Variants in MYO1D observed in about 807,000 individuals in gnomAD.
MYO1D encodes myosin ID.
In MYO1D, 83 loss-of-function variants were observed where a neutral mutation model predicts 122.0. That is an observed-to-expected ratio of 0.68 (90% CI 0.57 to 0.82). The LOEUF (loss-of-function observed/expected upper bound fraction) is 0.82. Among genes scored for constraint, MYO1D ranks in the 40% least tolerant of loss-of-function variants. The pLI is 0.00. For synonymous variants in MYO1D, 464 were observed against 446.9 expected (o/e 1.04, Z -0.48); for missense variants, 1,157 against 1,269.5 (o/e 0.91, Z 1.35).
At chr17:32,591,935 CT>C (rs1429451130) in intron 21 of MYO1D, among the ~76,000 whole-genome samples, 3 of 152,158 alleles carry the variant, frequency 2.0e-5, no homozygotes, top group African/African-American at 7.2e-5. Context: ...TTAAGGACCC[CT>C]GATAAAGAAA....
chr17:32,528,642 A>G (rs973623795), intron 21 of MYO1D, among the ~76,000 whole-genome samples: 1 of 152,196 alleles, frequency 6.6e-6, no homozygotes, highest in African/African-American at 2.4e-5. Flanking sequence ...ATTATCCTGG[A>G]TTATCCAGGT....
At chr17:32,513,955 T>A (rs1009511229) in intron 21 of MYO1D, among the ~76,000 whole-genome samples, 1 of 151,514 alleles carries the variant, frequency 6.6e-6, no homozygotes, top group African/African-American at 2.4e-5. Context: ...ATTAAAAAAA[T>A]TTTTTTGGCC....
At chr17:32,730,520 T>G (rs1046103654) in intron 14 of MYO1D, among the ~76,000 whole-genome samples, 9 of 150,936 alleles carry the variant, frequency 6.0e-5, no homozygotes, top group African/African-American at 2.2e-4. Context: ...GTTGATAAAC[T>G]CTCTGTTTTT....
chr17:32,551,266 GATC>G (rs1174129640), intron 21 of MYO1D, among the ~76,000 whole-genome samples: 6 of 152,176 alleles, frequency 3.9e-5, no homozygotes, highest in Admixed American at 2.0e-4. Flanking sequence ...TGCATGCTCA[GATC>G]ATACATTTTG....
intron 21 of MYO1D, among the ~76,000 whole-genome samples, chr17:32,503,880 A>G (rs537437648): frequency 6.6e-6 from 1 of 152,282 alleles, no homozygotes; most frequent in South Asian, 2.1e-4. Flanking sequence ...CACACAGGGA[A>G]TCTCTTTCAA....
chr17:32,662,565 C>T (rs1041372969), intron 16 of MYO1D, among the ~76,000 whole-genome samples: 4 of 151,988 alleles, frequency 2.6e-5, no homozygotes, highest in East Asian at 1.9e-4. Context: ...TCCAGCTACT[C>T]GTGAGGCTGA....
chr17:32,634,860 C>A (rs2088076044), intron 20 of MYO1D, among the ~76,000 whole-genome samples: 1 of 152,132 alleles, frequency 6.6e-6, no homozygotes, highest in African/African-American at 2.4e-5. Context: ...CTGGGAAAAC[C>A]CAATGACCCG....
chr17:32,842,886 C>CTTTTTTTT (rs34927176), intron 1 of MYO1D, among the ~76,000 whole-genome samples: 5 of 104,456 alleles, frequency 4.8e-5, no homozygotes, highest in Admixed American at 1.1e-4. Flanking sequence ...CTATTTCTTT[C>CTTTTTTTT]TTTTTTTTTT....
intron 1 of MYO1D, among the ~76,000 whole-genome samples, chr17:32,788,887 G>A (rs1163757684): frequency 6.6e-6 from 1 of 152,174 alleles, no homozygotes; most frequent in African/African-American, 2.4e-5. Flanking sequence ...TCATAAGCAT[G>A]GGATATGTTT....
In MYO1D at chr17:32,755,639, G is replaced by A; in HGVS notation, c.1320C>T (p.Ile440=). Residue 440 remains isoleucine (I), a synonymous_variant, in exon 11 of 22, where the codon ATC becomes ATT. Coordinates refer to ENST00000318217, the MANE Select transcript of MYO1D (RefSeq NM_015194.3). ...WKHIDYFNNQ[I]IVDLVEQQHK... is the part of the protein sequence containing the mutation. ...GCTGTTGCTCCACGAGGTCAACAAT[G>A]ATCTGATTGTTGAAGTAGTCAATCT... 1.2e-6 allele frequency: 2 copies of A among 1,613,430 alleles called. No individual in the cohort carries two copies. The highest frequency in any genetic ancestry group is 1.1e-5 in the South Asian group (1 of 90,992).
intron 1 of MYO1D, chr17:32,830,436 T>A (rs780347571): frequency 1.3e-5 from 2 of 152,032 alleles, no homozygotes; most frequent in Admixed American, 6.6e-5. Flanking sequence ...TAGATTAAAG[T>A]GGGATGACTG....
chr17:32,754,333 G>A (rs1322810650), intron 11 of MYO1D, among the ~76,000 whole-genome samples: 1 of 152,176 alleles, frequency 6.6e-6, no homozygotes, highest in Non-Finnish European at 1.5e-5. Flanking sequence ...CACTTATTAG[G>A]TATTTGTGGT....
intron 1 of MYO1D, among the ~76,000 whole-genome samples, chr17:32,781,581 C>A (rs4239233): frequency 6.6e-6 from 1 of 151,794 alleles, no homozygotes. Flanking sequence ...TATCTGTACA[C>A]AGATATATTT....
chr17:32,843,616 T>C (rs984453076), intron 1 of MYO1D, among the ~76,000 whole-genome samples: 3 of 152,040 alleles, frequency 2.0e-5, no homozygotes, highest in African/African-American at 7.2e-5. Context: ...GAGATGGAAA[T>C]AAAGGAGGCA....
chr17:32,539,504 G>A (rs1910772537), intron 21 of MYO1D, among the ~76,000 whole-genome samples: 1 of 151,926 alleles, frequency 6.6e-6, no homozygotes, highest in Non-Finnish European at 1.5e-5. Context: ...GTGTGAGCAG[G>A]GCCATGTTCC....
chr17:32,722,806 A>C (rs1013721229), intron 14 of MYO1D, among the ~76,000 whole-genome samples: 1 of 152,118 alleles, frequency 6.6e-6, no homozygotes, highest in Admixed American at 6.6e-5. Context: ...AGCGCTTCAA[A>C]AACTTATGAA....
intron 16 of MYO1D, among the ~76,000 whole-genome samples, chr17:32,710,105 G>C (rs2089356457): frequency 6.6e-6 from 1 of 152,042 alleles, no homozygotes; most frequent in African/African-American, 2.4e-5. Context: ...CAGAATAAAG[G>C]TCTATGTATA....
At chr17:32,560,554 T>TATATATATATATATATATAC (rs1567890294) in intron 21 of MYO1D, among the ~76,000 whole-genome samples, 4 of 123,988 alleles carry the variant, frequency 3.2e-5, no homozygotes, top group Non-Finnish European at 5.2e-5. Context: ...TATATATATA[T>TATATATATATATATATATAC]ATATATATAT....
intron 21 of MYO1D, among the ~76,000 whole-genome samples, chr17:32,570,318 T>C (rs2087211704): frequency 6.6e-6 from 1 of 152,166 alleles, no homozygotes; most frequent in African/African-American, 2.4e-5. Context: ...ACAGGATAGT[T>C]TCCTCCTATC....
Sources: allele counts gnomAD v4.1 joint callset (sites outside exome capture counted in the v4.1 genomes callset), GRCh38; gene constraint gnomAD v4.1.1; transcripts MANE v1.5; gene names NCBI Gene and HGNC (gene_info 2026-07-23, HGNC 2026-07-21).